The following DHX15 variants were observed in gnomAD, a reference collection of about 807,000 sequenced individuals.
DHX15 encodes ATP-dependent RNA helicase DHX15.
Under a neutral mutation model 94.4 loss-of-function variants are expected in DHX15, and 11 were observed. That is an observed-to-expected ratio of 0.12 (90% CI 0.07 to 0.19). The LOEUF (loss-of-function observed/expected upper bound fraction) is 0.19. Ranked by LOEUF, DHX15 falls within the 10% of genes least tolerant of loss-of-function variation. The probability of loss-of-function intolerance (pLI) is 1.00; values close to 1 mark genes in which losing one functional copy is unlikely to be tolerated. For synonymous variants in DHX15, 338 were observed against 329.9 expected (o/e 1.02, Z -0.27); for missense variants, 304 against 988.5 (o/e 0.31, Z 9.29).
intron 2 of DHX15, among the ~76,000 whole-genome samples, chr4:24,573,431 A>T (rs1722169554): frequency 6.6e-6 from 1 of 152,192 alleles, no homozygotes. Flanking sequence ...CCTAGTTGGT[A>T]TCCCAAATTC....
intron 12 of DHX15, among the ~76,000 whole-genome samples, chr4:24,531,732 C>A (rs575920167): frequency 2.8e-4 from 42 of 151,922 alleles, no homozygotes; most frequent in Admixed American, 9.2e-4. Flanking sequence ...ATCCCCTCCC[C>A]CTAAAAAAGA....
intron 6 of DHX15, among the ~76,000 whole-genome samples, chr4:24,546,828 T>TAAAATTTGAACAAAA (rs1258259538): frequency 2.6e-5 from 4 of 152,072 alleles, no homozygotes; most frequent in Non-Finnish European, 5.9e-5. Context: ...TTGTATTAAG[T>TAAAATTTGAACAAAA]ATTATATTTG....
chr4:24,572,204 A>C (rs1044853735), intron 2 of DHX15, among the ~76,000 whole-genome samples: 3 of 152,136 alleles, frequency 2.0e-5, no homozygotes, highest in Non-Finnish European at 2.9e-5. Flanking sequence ...GCAGTGGCAT[A>C]ATCTTGGCTC....
At chr4:24,555,307 CA>C (rs11379820) in intron 4 of DHX15, among the ~76,000 whole-genome samples, 8,167 of 139,576 alleles carry the variant, frequency 0.059, 333 homozygotes, top group African/African-American at 0.12. Context: ...ACAGAAAATG[CA>C]AAAAAAAAAA....
At chr4:24,554,673 T>C (rs1262933024) in intron 5 of DHX15, 52 bp downstream of exon 5, 4 of 1,356,734 alleles carry the variant, frequency 2.9e-6, no homozygotes, top group African/African-American at 2.9e-5. Context: ...GGTTGCTGCA[T>C]ATTAGAAACA....
chr4:24,583,611 T>A (rs1418635898), intron 1 of DHX15, among the ~76,000 whole-genome samples: 2 of 152,076 alleles, frequency 1.3e-5, no homozygotes, highest in Non-Finnish European at 2.9e-5. Flanking sequence ...TTTGAAGTGT[T>A]TGAATGGACC....
At chr4:24,583,245 AG>A (rs1722509232) in intron 1 of DHX15, among the ~76,000 whole-genome samples, 1 of 152,224 alleles carries the variant, frequency 6.6e-6, no homozygotes, top group South Asian at 2.1e-4. Context: ...AAAACACACA[AG>A]GGACAAGAAA....
chr4:24,554,672 A>G (rs1420890212), intron 5 of DHX15, 53 bp downstream of exon 5: 1 of 1,339,840 alleles, frequency 7.5e-7, no homozygotes, highest in Non-Finnish European at 1.1e-6. Context: ...AGGTTGCTGC[A>G]TATTAGAAAC....
At chr4:24,550,114 A>AAAAAAAAAAAAAAAT (rs1721559397) in intron 5 of DHX15, among the ~76,000 whole-genome samples, 1 of 142,412 alleles carries the variant, frequency 7.0e-6, no homozygotes, top group Admixed American at 7.0e-5. Flanking sequence ...AAAAAAAAAA[A>AAAAAAAAAAAAAAAT]AAAAAAAAAC....
chr4:24,550,115 A>AC (rs1039051738), intron 5 of DHX15, among the ~76,000 whole-genome samples: 1 of 144,124 alleles, frequency 6.9e-6, no homozygotes, highest in Non-Finnish European at 1.5e-5. Context: ...AAAAAAAAAA[A>AC]AAAAAAAACG....
chr4:24,553,446 A>C (rs753158714), intron 5 of DHX15, among the ~76,000 whole-genome samples: 2 of 152,008 alleles, frequency 1.3e-5, no homozygotes, highest in Non-Finnish European at 2.9e-5. Context: ...TCAATACTAC[A>C]TTACAGCACA....
In DHX15 at chr4:24,576,414, T is replaced by C; in HGVS notation, c.336A>G (p.Pro112=). The change falls in exon 2 of 14, where the codon CCA becomes CCG. Residue 112 remains proline (P), a synonymous_variant. Coordinates refer to ENST00000336812, the MANE Select transcript of DHX15 (RefSeq NM_001358.3). ...HAGHAGHTSL[P]QCINPFTNLP... is the part of the protein sequence containing the mutation. Reference sequence around the variant, plus strand: ...AGTTGGTGAACGGATTAATGCACTGTGGAAGTGACGTGTGACCTGCATGTC... The same window carrying C: ...AGTTGGTGAACGGATTAATGCACTGCGGAAGTGACGTGTGACCTGCATGTC... 6.2e-7 allele frequency: 1 copy of C among 1,614,138 alleles called. No homozygotes were observed. The highest frequency in any genetic ancestry group is 8.5e-7 in the Non-Finnish European group (1 of 1,180,040).
chr4:24,565,703 G>C (rs1187551618), intron 3 of DHX15, among the ~76,000 whole-genome samples: 1 of 152,102 alleles, frequency 6.6e-6, no homozygotes, highest in Non-Finnish European at 1.5e-5. Context: ...CTCTCTAACT[G>C]GGTTAACTGG....
At chr4:24,577,372 A>T (rs1235702603) in intron 1 of DHX15, among the ~76,000 whole-genome samples, 2 of 152,162 alleles carry the variant, frequency 1.3e-5, no homozygotes, top group Non-Finnish European at 2.9e-5. Flanking sequence ...GCACTTTCCC[A>T]ATTTTGTTCA....
At chr4:24,549,158 C>A in intron 5 of DHX15, 136 bp from the exon 6 acceptor site, 1 of 662,180 alleles carries the variant, frequency 1.5e-6, no homozygotes. Flanking sequence ...AATTTAGTAA[C>A]CAAAACTAAT....
At chr4:24,578,940 A>G (rs1722343789) in intron 1 of DHX15, among the ~76,000 whole-genome samples, 1 of 152,176 alleles carries the variant, frequency 6.6e-6, no homozygotes, top group African/African-American at 2.4e-5. Context: ...TTGGGGGAAG[A>G]GAGGTGACAA....
At chr4:24,540,426 T>C (rs1038598714) in intron 9 of DHX15, 127 bp from the exon 10 acceptor site, 4 of 747,740 alleles carry the variant, frequency 5.3e-6, no homozygotes, top group Non-Finnish European at 8.4e-6. Context: ...CAAACTGTCA[T>C]CCAATTCAAT....
rs1190459164 is a variant in DHX15 at position 24,554,776 on chromosome 4, A to G, written c.1029T>C (p.His343=). ...GATCTCCCTCTTCCTCTTCACACAT[A>G]TGAATCTGGATAACTGTTCGAATTG... ...EAAIRTVIQI[H]MCEEEEGDLL... Residue 343 remains histidine, a synonymous_variant, in exon 5 of 14, where the codon CAT becomes CAC. Transcript: ENST00000336812. 1 of 1,613,782 alleles carries G rather than the reference A, an allele frequency of 6.2e-7. No individual in the cohort carries two copies.
At chr4:24,581,721 C>A (rs1722420143) in intron 1 of DHX15, among the ~76,000 whole-genome samples, 1 of 152,064 alleles carries the variant, frequency 6.6e-6, no homozygotes, top group African/African-American at 2.4e-5. Flanking sequence ...ATATCAAAAA[C>A]CAACATCAAA....
Sources: gnomAD v4.1 joint callset for allele counts (sites outside exome capture counted in the v4.1 genomes callset) on GRCh38, gnomAD v4.1.1 for gene constraint, MANE v1.5 for transcripts, NCBI Gene and HGNC (gene_info 2026-07-23, HGNC 2026-07-21) for gene names.